ROBO2: variants seen among roughly 807,000 people sequenced by gnomAD.
The protein encoded by ROBO2 is roundabout guidance receptor 2, also known as roundabout homolog 2.
Under a neutral mutation model 160.8 loss-of-function variants are expected in ROBO2, and 53 were observed. The ratio of observed to expected loss-of-function variants is 0.33; its 90% CI spans 0.26 to 0.41. ROBO2 has a LOEUF of 0.41. ROBO2 is among the 10% of genes least tolerant of loss of function. ROBO2 has a pLI of 1.00. For missense variants in ROBO2, 1,577 were observed against 1,722.4 expected, an observed-to-expected ratio of 0.92 and a Z score of 1.49; for synonymous variants, 664 against 611.7, an observed-to-expected ratio of 1.09 and a Z score of -1.26.
At chr3:76,613,837 A>G (rs1347531232) in intron 2 of ROBO2, among the ~76,000 whole-genome samples, 2 of 152,138 alleles carry the variant, frequency 1.3e-5, no homozygotes, top group Non-Finnish European at 2.9e-5. Context: ...CATTAGTTAC[A>G]TTAAGAACTT....
At chr3:76,398,547 A>G (rs1297746540) in intron 2 of ROBO2, among the ~76,000 whole-genome samples, 1 of 151,876 alleles carries the variant, frequency 6.6e-6, no homozygotes, top group African/African-American at 2.4e-5. Flanking sequence ...TGGCAATTTT[A>G]CCACCTAACC....
intron 2 of ROBO2, among the ~76,000 whole-genome samples, chr3:76,512,106 A>C (rs1489861157): frequency 6.6e-6 from 1 of 152,114 alleles, no homozygotes; most frequent in East Asian, 1.9e-4. Context: ...GACTTCTAAA[A>C]CAAACAAAAA....
At chr3:76,006,454 G>T (rs1285187743) in intron 2 of ROBO2, among the ~76,000 whole-genome samples, 1 of 152,120 alleles carries the variant, frequency 6.6e-6, no homozygotes, top group Non-Finnish European at 1.5e-5. Flanking sequence ...GGTGTGATGA[G>T]ATCAGCATTC....
At chr3:76,913,265 G>A (rs1443903949) in intron 2 of ROBO2, among the ~76,000 whole-genome samples, 2 of 152,118 alleles carry the variant, frequency 1.3e-5, no homozygotes, top group African/African-American at 4.8e-5. Context: ...TTTAGGAGGC[G>A]TTTCTCTGGT....
chr3:77,496,815 A>G (rs1056973714), intron 5 of ROBO2, among the ~76,000 whole-genome samples: 1 of 152,122 alleles, frequency 6.6e-6, no homozygotes, highest in Non-Finnish European at 1.5e-5. Context: ...TATCTGTGCC[A>G]ACCTTTCAGT....
chr3:76,223,366 C>G (rs972284983), intron 2 of ROBO2, among the ~76,000 whole-genome samples: 1 of 151,618 alleles, frequency 6.6e-6, no homozygotes, highest in African/African-American at 2.4e-5. Flanking sequence ...AGGCTGATAC[C>G]TTTGGTGTGG....
At chr3:76,877,513 C>A (rs1235196742) in intron 2 of ROBO2, among the ~76,000 whole-genome samples, 18 of 152,182 alleles carry the variant, frequency 1.2e-4, no homozygotes, top group African/African-American at 3.4e-4. Context: ...AGTTGATACA[C>A]AGCTCTTCAG....
chr3:77,549,739 A>T (rs1307102893), intron 7 of ROBO2, among the ~76,000 whole-genome samples: 1 of 151,996 alleles, frequency 6.6e-6, no homozygotes, highest in Non-Finnish European at 1.5e-5. Context: ...ATCCTCTTCC[A>T]TTGGTATTAC....
At position 76,840,856 on chromosome 3, in the gene ROBO2, G is replaced by T. The variant is rs534792509; in HGVS notation, c.110-257158G>T. ...CTGCTCTAGCTGGAACCCTCCCTTT[G>T]TTTGAAAACCCTCCAATTGAGAAAA... is the stretch of plus-strand genomic sequence containing the variant. On this transcript the variant is annotated intron_variant, in intron 2 of 26. Transcript: ENST00000487694. Among the ~76,000 whole-genome samples, 211 of 151,888 alleles carry T rather than the reference G, an allele frequency of 1.4e-3. 1 individual carries two copies. Among genetic ancestry groups the T allele is most frequent in the African/African-American group, 4.9e-3 (202 of 41,422 alleles).
chr3:76,816,583 T>G (rs1257827158), intron 2 of ROBO2, among the ~76,000 whole-genome samples: 2 of 152,008 alleles, frequency 1.3e-5, no homozygotes, highest in East Asian at 3.9e-4. Context: ...TATGTGTGGC[T>G]TGCTCTAATG....
chr3:76,393,028 C>A (rs942066010), intron 2 of ROBO2, among the ~76,000 whole-genome samples: 3 of 152,146 alleles, frequency 2.0e-5, no homozygotes, highest in Non-Finnish European at 4.4e-5. Context: ...GAAACTCCCC[C>A]TTGCTGATAA....
chr3:75,907,853 G>GTGTGTA (rs1946418676), intron 1 of ROBO2, among the ~76,000 whole-genome samples: 1 of 3,260 alleles, frequency 3.1e-4, no homozygotes, highest in Non-Finnish European at 5.4e-4. Context: ...AATCGTGTGC[G>GTGTGTA]TGTGTGTGTG....
At chr3:77,061,132 T>C (rs2066258664) in intron 1 of ROBO2, among the ~76,000 whole-genome samples, 1 of 152,106 alleles carries the variant, frequency 6.6e-6, no homozygotes, top group Non-Finnish European at 1.5e-5. Flanking sequence ...TGTTTAGTAA[T>C]ATCATCCCAA....
chr3:77,133,889 A>C (rs1164502925), intron 2 of ROBO2, among the ~76,000 whole-genome samples: 1 of 152,218 alleles, frequency 6.6e-6, no homozygotes, highest in Non-Finnish European at 1.5e-5. Flanking sequence ...TATTTTCAAA[A>C]TTCCAAGCAA....
chr3:76,380,864 A>G (rs1450664590), intron 2 of ROBO2, among the ~76,000 whole-genome samples: 1 of 152,114 alleles, frequency 6.6e-6, no homozygotes, highest in Non-Finnish European at 1.5e-5. Flanking sequence ...CATTGTTTGG[A>G]ATAAGTAATG....
intron 2 of ROBO2, among the ~76,000 whole-genome samples, chr3:76,688,172 A>G (rs2092723117): frequency 6.6e-6 from 1 of 152,100 alleles, no homozygotes; most frequent in Non-Finnish European, 1.5e-5. Flanking sequence ...CTGCATTTTC[A>G]CATATATTAT....
intron 2 of ROBO2, among the ~76,000 whole-genome samples, chr3:77,261,687 G>A (rs1458011338): frequency 6.6e-6 from 1 of 152,014 alleles, no homozygotes; most frequent in Non-Finnish European, 1.5e-5. Context: ...TTTTCAAATG[G>A]GTTCATTACC....
intron 1 of ROBO2, among the ~76,000 whole-genome samples, chr3:77,076,916 T>C (rs2068071514): frequency 2.0e-5 from 3 of 152,060 alleles, no homozygotes; most frequent in Non-Finnish European, 2.9e-5. Flanking sequence ...GAAGCTAAAG[T>C]TTTTAAGGAA....
At chr3:77,254,841 C>T (rs574619317) in intron 2 of ROBO2, among the ~76,000 whole-genome samples, 135 of 152,204 alleles carry the variant, frequency 8.9e-4, no homozygotes, top group Non-Finnish European at 1.4e-3. Flanking sequence ...TGTCTTGCTC[C>T]GAGTCACCCA....
Sources: allele counts gnomAD v4.1 joint callset (sites outside exome capture counted in the v4.1 genomes callset), GRCh38; gene constraint gnomAD v4.1.1; transcripts MANE v1.5; gene names NCBI Gene and HGNC (gene_info 2026-07-23, HGNC 2026-07-21).